The following MEF2C variants were observed in gnomAD, a reference collection of about 807,000 sequenced individuals.
MEF2C encodes the protein myocyte enhancer factor 2C, also known as myocyte-specific enhancer factor 2C.
In MEF2C, 6 loss-of-function variants were observed where a neutral mutation model predicts 50.5. The ratio of observed to expected loss-of-function variants is 0.12; its 90% CI spans 0.07 to 0.23. The LOEUF (loss-of-function observed/expected upper bound fraction) is 0.23. Ranked by LOEUF, MEF2C falls within the 10% of genes least tolerant of loss-of-function variation. The pLI, the probability that MEF2C is intolerant of heterozygous loss-of-function variation, is 1.00. For synonymous variants in MEF2C, 183 were observed against 228.0 expected (o/e 0.80, Z 1.78); for missense variants, 276 against 605.0 (o/e 0.46, Z 5.70).
intron 1 of MEF2C, among the ~76,000 whole-genome samples, chr5:88,853,409 C>T (rs899370522): frequency 4.6e-5 from 7 of 152,154 alleles, no homozygotes; most frequent in African/African-American, 1.4e-4. Context: ...TAAGAAGAAA[C>T]GTTCTGTTAG....
chr5:88,866,230 C>T (rs1356899029), intron 1 of MEF2C, among the ~76,000 whole-genome samples: 1 of 152,202 alleles, frequency 6.6e-6, no homozygotes. Context: ...TTTTTAAATA[C>T]AGAGAGCATA....
intron 3 of MEF2C, among the ~76,000 whole-genome samples, chr5:88,774,525 T>C (rs1783914034): frequency 6.6e-6 from 1 of 152,062 alleles, no homozygotes; most frequent in Admixed American, 6.5e-5. Flanking sequence ...GGTTTCACCG[T>C]GTTAGCCAGC....
chr5:88,827,762 A>AT (rs1811486284), intron 1 of MEF2C, among the ~76,000 whole-genome samples: 1 of 151,908 alleles, frequency 6.6e-6, no homozygotes. Flanking sequence ...TATAATTGGA[A>AT]TTTACCCTTT....
intron 2 of MEF2C, among the ~76,000 whole-genome samples, chr5:88,805,688 C>A (rs1800087177): frequency 6.6e-6 from 1 of 152,110 alleles, no homozygotes; most frequent in Non-Finnish European, 1.5e-5. Context: ...AGCTCCCTCT[C>A]CCTGGCTTTG....
At chr5:88,801,541 AG>A (rs1178923341) in intron 3 of MEF2C, among the ~76,000 whole-genome samples, 1 of 149,712 alleles carries the variant, frequency 6.7e-6, no homozygotes, top group Non-Finnish European at 1.5e-5. Context: ...CGCCTGCGCC[AG>A]AGTGCAGTGG....
chr5:88,854,736 G>A (rs905628332), intron 1 of MEF2C, among the ~76,000 whole-genome samples: 1 of 152,108 alleles, frequency 6.6e-6, no homozygotes, highest in Non-Finnish European at 1.5e-5. Context: ...ATCTAACTTG[G>A]GTTGAGAATA....
chr5:88,779,871 C>T (rs1319413810), intron 3 of MEF2C, among the ~76,000 whole-genome samples: 10 of 151,428 alleles, frequency 6.6e-5, no homozygotes, highest in Admixed American at 2.6e-4. Context: ...GGCACAGTGT[C>T]TCATGTCTCA....
intron 3 of MEF2C, among the ~76,000 whole-genome samples, chr5:88,790,806 C>T (rs1793414437): frequency 6.6e-6 from 1 of 152,036 alleles, no homozygotes; most frequent in Non-Finnish European, 1.5e-5. Flanking sequence ...ATATGCTAGG[C>T]ATTGAGCTGG....
Position 88,728,617 on chromosome 5 carries a change from T to C in MEF2C, c.976A>G (p.Ser326Gly). 6.7e-6 allele frequency: 10 copies of C among 1,481,626 alleles called. No individual in the cohort carries two copies. Among genetic ancestry groups the C allele is most frequent in the Non-Finnish European group, 9.0e-6 (10 of 1,110,876 alleles). 91.8% of individuals were successfully genotyped at this position (1,481,626 alleles called of 1,614,324 possible). The change falls in exon 10 of 11, where the codon AGT becomes GGT. Residue 326 changes from serine (S) to glycine (G), a missense_variant. Ser to Gly is a moderately conservative substitution (Grantham distance 56, BLOSUM62 0). Coordinates refer to ENST00000504921, the MANE Select transcript of MEF2C (RefSeq NM_002397.5). Reference sequence around the variant, plus strand: ...GACAGAGATGACAGGTCTGCACTACTCAGAGAGTACTCTAGATTAAAGAAT... The same window carrying C: ...GACAGAGATGACAGGTCTGCACTACCCAGAGAGTACTCTAGATTAAAGAAT... ...STTYGTEYSL[S>G]SADLSSLSGF...
chr5:88,724,226 G>T (rs556616458), intron 10 of MEF2C, among the ~76,000 whole-genome samples: 1 of 152,206 alleles, frequency 6.6e-6, no homozygotes, highest in African/African-American at 2.4e-5. Context: ...GAGAGAATTA[G>T]TTGGCACTAA....
intron 3 of MEF2C, chr5:88,771,396 C>T: frequency 1.0e-6 from 1 of 978,702 alleles, no homozygotes; most frequent in East Asian, 1.1e-4. Flanking sequence ...CTAGGACACC[C>T]TATTACCTAA....
At chr5:88,838,362 C>G (rs1561278611) in intron 1 of MEF2C, among the ~76,000 whole-genome samples, 2 of 151,316 alleles carry the variant, frequency 1.3e-5, no homozygotes, top group African/African-American at 2.4e-5. Flanking sequence ...GGATGATCAT[C>G]AGCAGCTGTT....
At chr5:88,742,167 T>A in intron 6 of MEF2C, 1 of 984,724 alleles carries the variant, frequency 1.0e-6, no homozygotes, top group African/African-American at 1.8e-5. Context: ...AAAGAGGGGG[T>A]TTTTAACCAA....
intron 1 of MEF2C, among the ~76,000 whole-genome samples, chr5:88,834,719 T>C (rs979054527): frequency 1.3e-5 from 2 of 152,118 alleles, no homozygotes; most frequent in African/African-American, 2.4e-5. Context: ...CAGACATTAT[T>C]TGGAGGATGA....
chr5:88,796,029 G>A (rs1267093372), intron 3 of MEF2C, among the ~76,000 whole-genome samples: 1 of 152,182 alleles, frequency 6.6e-6, no homozygotes, highest in Non-Finnish European at 1.5e-5. Flanking sequence ...TGTGCTGCTG[G>A]ATTCGGTTTG....
chr5:88,845,309 C>A (rs1012104104), intron 1 of MEF2C, among the ~76,000 whole-genome samples: 1 of 152,168 alleles, frequency 6.6e-6, no homozygotes, highest in African/African-American at 2.4e-5. Flanking sequence ...TTAAATGGAT[C>A]CACATTATGG....
At chr5:88,828,078 G>A (rs1201143551) in intron 1 of MEF2C, among the ~76,000 whole-genome samples, 1 of 151,868 alleles carries the variant, frequency 6.6e-6, no homozygotes, top group African/African-American at 2.4e-5. Flanking sequence ...TTTCTAACAT[G>A]GAAATGGCAT....
intron 2 of MEF2C, among the ~76,000 whole-genome samples, chr5:88,822,288 A>T (rs1333986190): frequency 2.0e-5 from 3 of 151,984 alleles, no homozygotes; most frequent in Non-Finnish European, 4.4e-5. Context: ...CAAGGTCCAA[A>T]CAGTGTTACA....
intron 1 of MEF2C, among the ~76,000 whole-genome samples, chr5:88,852,183 A>G (rs765427681): frequency 2.0e-4 from 31 of 152,204 alleles, no homozygotes; most frequent in Non-Finnish European, 2.1e-4. Context: ...TAGTAACAGA[A>G]AAGATTTATA....
Sources: gnomAD v4.1 joint callset for allele counts (sites outside exome capture counted in the v4.1 genomes callset) on GRCh38, gnomAD v4.1.1 for gene constraint, MANE v1.5 for transcripts, NCBI Gene and HGNC (gene_info 2026-07-23, HGNC 2026-07-21) for gene names.